The following PCCA variants were observed in gnomAD, a reference collection of about 807,000 sequenced individuals.
PCCA encodes propionyl-CoA carboxylase subunit alpha, also known as propionyl-CoA carboxylase alpha chain, mitochondrial.
In PCCA, 74 loss-of-function variants were observed where a neutral mutation model predicts 101.3. The observed-to-expected ratio is 0.73, with a 90% confidence interval of 0.61 to 0.89. The LOEUF is 0.89. Ranked by LOEUF, PCCA falls within the 40% of genes least tolerant of loss-of-function variation. The probability of loss-of-function intolerance (pLI) is 0.00; values close to 1 mark genes in which losing one functional copy is unlikely to be tolerated. For synonymous variants in PCCA, 294 were observed against 313.6 expected, an observed-to-expected ratio of 0.94 and a Z score of 0.66; for missense variants, 891 against 907.0, an observed-to-expected ratio of 0.98 and a Z score of 0.23.
intron 16 of PCCA, among the ~76,000 whole-genome samples, chr13:100,316,712 G>A (rs979241683): frequency 1.3e-5 from 2 of 151,996 alleles, no homozygotes; most frequent in Non-Finnish European, 2.9e-5. Context: ...TATACCAGCA[G>A]TAGGCTATAA....
chr13:100,179,090 AAATAT>A (rs758479177), intron 6 of PCCA, among the ~76,000 whole-genome samples: 3,064 of 120,466 alleles, frequency 0.025, 112 homozygotes, highest in African/African-American at 0.092. Flanking sequence ...AAAAAAAAAA[AAATAT>A]ATATATATAT....
intron 22 of PCCA, among the ~76,000 whole-genome samples, chr13:100,526,743 G>A (rs1284946502): frequency 1.3e-5 from 2 of 152,260 alleles, no homozygotes; most frequent in African/African-American, 4.8e-5. Context: ...ACCCATCGGG[G>A]CAGAGCGAAG....
intron 6 of PCCA, among the ~76,000 whole-genome samples, chr13:100,174,921 A>T (rs1265651804): frequency 1.3e-5 from 2 of 152,032 alleles, no homozygotes; most frequent in Non-Finnish European, 2.9e-5. Context: ...AATTCTCATT[A>T]AAGTTTTAAA....
chr13:100,269,557 G>T (rs573112538), intron 11 of PCCA, among the ~76,000 whole-genome samples: 84 of 152,256 alleles, frequency 5.5e-4, no homozygotes, highest in African/African-American at 1.9e-3. Flanking sequence ...CATGAGTTTG[G>T]TGTATGGGGC....
intron 6 of PCCA, among the ~76,000 whole-genome samples, chr13:100,167,382 C>T (rs1221323946): frequency 6.6e-6 from 1 of 151,934 alleles, no homozygotes; most frequent in Non-Finnish European, 1.5e-5. Flanking sequence ...AACCCCATCT[C>T]TACAAAAAGT....
chr13:100,118,284 A>T (rs1180998174), intron 4 of PCCA, among the ~76,000 whole-genome samples: 5 of 152,276 alleles, frequency 3.3e-5, no homozygotes, highest in Admixed American at 3.3e-4. Context: ...TAATATGCCT[A>T]CCACATTCAG....
chr13:100,383,189 G>A (rs371060038), intron 19 of PCCA, among the ~76,000 whole-genome samples: 5 of 151,732 alleles, frequency 3.3e-5, no homozygotes, highest in African/African-American at 1.2e-4. Flanking sequence ...CAGGGTTTTC[G>A]CCATGTTGCC....
chr13:100,284,964 C>T (rs968389454), intron 12 of PCCA, among the ~76,000 whole-genome samples: 1 of 152,200 alleles, frequency 6.6e-6, no homozygotes, highest in Non-Finnish European at 1.5e-5. Context: ...CTCGTGCCAG[C>T]AGGCTACTCT....
intron 20 of PCCA, among the ~76,000 whole-genome samples, chr13:100,445,818 A>G (rs2080786434): frequency 6.6e-6 from 1 of 152,278 alleles, no homozygotes; most frequent in South Asian, 2.1e-4. Context: ...TGGTCCATGG[A>G]TGGACACTTA....
chr13:100,334,013 G>A (rs1221173075), intron 17 of PCCA, among the ~76,000 whole-genome samples: 1 of 152,096 alleles, frequency 6.6e-6, no homozygotes, highest in African/African-American at 2.4e-5. Flanking sequence ...ATAATGTAAA[G>A]TACCCACTAT....
intron 21 of PCCA, among the ~76,000 whole-genome samples, chr13:100,503,202 T>A (rs976380387): frequency 2.0e-5 from 3 of 152,172 alleles, no homozygotes; most frequent in African/African-American, 7.2e-5. Context: ...TACCTGAAGT[T>A]CTTTCTGGCC....
intron 2 of PCCA, among the ~76,000 whole-genome samples, chr13:100,109,955 AACCCCATCTCT>A (rs1333763282): frequency 6.6e-6 from 1 of 152,180 alleles, no homozygotes; most frequent in Non-Finnish European, 1.5e-5. Context: ...AACATGGGGA[AACCCCATCTCT>A]ACTAAAAATA....
intron 16 of PCCA, among the ~76,000 whole-genome samples, chr13:100,318,693 G>T (rs1042280001): frequency 2.0e-5 from 3 of 151,994 alleles, no homozygotes; most frequent in Non-Finnish European, 4.4e-5. Flanking sequence ...AGTATTCCAT[G>T]GTGTATATGT....
At chr13:100,159,487 G>A (rs1231742380) in intron 6 of PCCA, among the ~76,000 whole-genome samples, 1 of 152,026 alleles carries the variant, frequency 6.6e-6, no homozygotes, top group Non-Finnish European at 1.5e-5. Context: ...GCAGTCCATG[G>A]GTGCTATGAG....
chr13:100,405,769 C>CCTTT (rs758012350), intron 19 of PCCA, among the ~76,000 whole-genome samples: 5 of 116,400 alleles, frequency 4.3e-5, no homozygotes, highest in Non-Finnish European at 6.8e-5. Flanking sequence ...AAGTGACATT[C>CCTTT]TTTTTTTTTT....
intron 2 of PCCA, among the ~76,000 whole-genome samples, chr13:100,105,439 G>A (rs2047661810): frequency 6.6e-6 from 1 of 152,080 alleles, no homozygotes; most frequent in African/African-American, 2.4e-5. Context: ...ATTTGTTGAA[G>A]AGGACACATT....
chr13:100,292,287 T>G (rs928257687), intron 12 of PCCA, among the ~76,000 whole-genome samples: 1 of 152,244 alleles, frequency 6.6e-6, no homozygotes. Context: ...TTTTTGTTAA[T>G]TGCAAACATC....
At chr13:100,111,105 G>A (rs938931467) in intron 2 of PCCA, among the ~76,000 whole-genome samples, 1 of 151,202 alleles carries the variant, frequency 6.6e-6, no homozygotes, top group African/African-American at 2.4e-5. Flanking sequence ...TCCGCCTCCC[G>A]GGTTCAAGCC....
At chr13:100,249,725 A>C (rs2061646845) in intron 8 of PCCA, among the ~76,000 whole-genome samples, 3 of 152,100 alleles carry the variant, frequency 2.0e-5, no homozygotes, top group African/African-American at 7.2e-5. Context: ...TTATCTCTAC[A>C]TTTAGATTTT....
Sources: allele counts gnomAD v4.1 joint callset (sites outside exome capture counted in the v4.1 genomes callset), GRCh38; gene constraint gnomAD v4.1.1; transcripts MANE v1.5; gene names NCBI Gene and HGNC (gene_info 2026-07-23, HGNC 2026-07-21).